SETD2: variants seen among roughly 807,000 people sequenced by gnomAD.
SETD2 encodes SET domain containing 2, histone lysine methyltransferase.
SETD2 carries 31 observed loss-of-function variants against 242.1 expected under a neutral mutation model. The observed-to-expected ratio is 0.13, with a 90% CI of 0.10 to 0.17. The LOEUF is 0.17. Among genes scored for constraint, SETD2 ranks in the 10% least tolerant of loss-of-function variants. The pLI is 1.00. For missense variants in SETD2, 2,481 were observed against 3,046.3 expected (o/e 0.81, Z 4.37); for synonymous variants, 1,006 against 1,066.5 (o/e 0.94, Z 1.11).
chr3:47,083,570 T>C (rs2107636754), intron 12 of SETD2, 150 bp downstream of exon 12: 4 of 736,224 alleles, frequency 5.4e-6, no homozygotes, highest in East Asian at 5.1e-5. Context: ...TAGAGGATGT[T>C]TGAGACACTT....
chr3:47,094,101 T>G (rs1429534713), intron 9 of SETD2, among the ~76,000 whole-genome samples: 1 of 152,228 alleles, frequency 6.6e-6, no homozygotes, highest in Non-Finnish European at 1.5e-5. Context: ...CAGGTGGGTT[T>G]TCACCCTCTT....
chr3:47,049,889 TTATA>T (rs1234198728), intron 15 of SETD2, among the ~76,000 whole-genome samples: 3 of 127,072 alleles, frequency 2.4e-5, no homozygotes, highest in Non-Finnish European at 3.4e-5. Context: ...ATAGTATATA[TTATA>T]TATATAAACT....
intron 17 of SETD2, among the ~76,000 whole-genome samples, chr3:47,040,368 T>G (rs2039224053): frequency 6.6e-6 from 1 of 152,096 alleles, no homozygotes; most frequent in Admixed American, 6.6e-5. Flanking sequence ...TGTCACAAGA[T>G]ATCAGAAACA....
intron 2 of SETD2, among the ~76,000 whole-genome samples, chr3:47,125,468 AAAAC>A (rs1048006897): frequency 1.3e-4 from 20 of 152,198 alleles, no homozygotes; most frequent in African/African-American, 3.1e-4. Flanking sequence ...GTTTTTAAAA[AAAAC>A]AAACAAACAA....
chr3:47,042,734 ATCTC>A, intron 16 of SETD2, 34 bp from the exon 17 acceptor site: 3 of 1,567,696 alleles, frequency 1.9e-6, no homozygotes, highest in Non-Finnish European at 2.6e-6. Context: ...TTGATCAGTG[ATCTC>A]TCTCTTAATC....
At chr3:47,027,868 T>G (rs2038572688) in intron 18 of SETD2, among the ~76,000 whole-genome samples, 1 of 151,746 alleles carries the variant, frequency 6.6e-6, no homozygotes, top group East Asian at 1.9e-4. Context: ...CTCGGCTCAC[T>G]GCAACCTCCG....
chr3:47,075,864 T>C (rs2041051441), intron 12 of SETD2, among the ~76,000 whole-genome samples: 1 of 152,168 alleles, frequency 6.6e-6, no homozygotes, highest in Non-Finnish European at 1.5e-5. Context: ...TGACCATCTA[T>C]CAAATAAAAA....
At chr3:47,103,996 A>G (rs558829587) in intron 6 of SETD2, among the ~76,000 whole-genome samples, 39 of 152,280 alleles carry the variant, frequency 2.6e-4, no homozygotes, top group Admixed American at 2.4e-3. Context: ...GCTATGTCAC[A>G]ATGCCATAGG....
chr3:47,027,767 T>C (rs2038561417), intron 18 of SETD2, among the ~76,000 whole-genome samples: 1 of 151,008 alleles, frequency 6.6e-6, no homozygotes, highest in South Asian at 2.1e-4. Flanking sequence ...CTCAATAAAG[T>C]TGCTGCTGCT....
At chr3:47,116,798 G>A (rs2107729407) in intron 3 of SETD2, 44 bp from the exon 4 acceptor site, 1 of 1,375,442 alleles carries the variant, frequency 7.3e-7, no homozygotes, top group Non-Finnish European at 1.0e-6. Flanking sequence ...TAAATTTCCT[G>A]GTAAAGATAT....
intron 7 of SETD2, among the ~76,000 whole-genome samples, chr3:47,103,088 T>C (rs1451370298): frequency 6.6e-6 from 1 of 152,234 alleles, no homozygotes; most frequent in African/African-American, 2.4e-5. Flanking sequence ...TCTCTGGATC[T>C]GATCCTTTTA....
chr3:47,050,066 G>A (rs1446458674), intron 15 of SETD2, among the ~76,000 whole-genome samples: 1 of 149,250 alleles, frequency 6.7e-6, no homozygotes, highest in Admixed American at 6.7e-5. Context: ...ACATGACCAA[G>A]TATTTCATAG....
chr3:47,053,522 T>C (rs887986269), intron 15 of SETD2, among the ~76,000 whole-genome samples: 9 of 152,340 alleles, frequency 5.9e-5, no homozygotes, highest in African/African-American at 1.9e-4. Flanking sequence ...TCTGTTAAAA[T>C]TGAGCTTTTA....
chr3:47,162,080 T>C (rs1193486231), intron 1 of SETD2, among the ~76,000 whole-genome samples: 11 of 152,192 alleles, frequency 7.2e-5, no homozygotes, highest in Admixed American at 6.5e-4. Context: ...CTACCAAAGA[T>C]GCACTTCTGA....
At chr3:47,074,384 GT>G (rs1399152911) in intron 12 of SETD2, among the ~76,000 whole-genome samples, 7 of 152,238 alleles carry the variant, frequency 4.6e-5, no homozygotes, top group Admixed American at 3.3e-4. Context: ...GAAATAGCCT[GT>G]TTTTAAAACT....
chr3:47,107,779 T>A (rs962209782), intron 5 of SETD2, among the ~76,000 whole-genome samples: 2 of 150,740 alleles, frequency 1.3e-5, no homozygotes, highest in East Asian at 1.9e-4. Context: ...AAGACCAGCC[T>A]GAAAAACACA....
intron 15 of SETD2, among the ~76,000 whole-genome samples, chr3:47,051,770 G>C (rs1405637897): frequency 2.0e-5 from 3 of 151,238 alleles, no homozygotes; most frequent in Non-Finnish European, 2.9e-5. Flanking sequence ...GTTATTTCTA[G>C]AGTGACCAGG....
chr3:47,156,955 C>G (rs2044139711), intron 1 of SETD2, among the ~76,000 whole-genome samples: 1 of 151,996 alleles, frequency 6.6e-6, no homozygotes, highest in African/African-American at 2.4e-5. Flanking sequence ...CACCAAAACC[C>G]TGTCTCTATA....
chr3:47,032,069 T>C (rs895324363), intron 18 of SETD2, among the ~76,000 whole-genome samples: 1 of 152,128 alleles, frequency 6.6e-6, no homozygotes, highest in Non-Finnish European at 1.5e-5. Flanking sequence ...CATGGTATAT[T>C]TGTGAATGTA....
Sources: allele counts gnomAD v4.1 joint callset (sites outside exome capture counted in the v4.1 genomes callset), GRCh38; gene constraint gnomAD v4.1.1; transcripts MANE v1.5; gene names NCBI Gene and HGNC (gene_info 2026-07-23, HGNC 2026-07-21).